The following CTTNBP2NL variants were observed in gnomAD, a reference collection of about 807,000 sequenced individuals.
CTTNBP2NL encodes CTTNBP2 N-terminal like, also known as CTTNBP2 N-terminal-like protein.
Under a neutral mutation model 32.5 loss-of-function variants are expected in CTTNBP2NL, and 16 were observed. The ratio of observed to expected loss-of-function variants is 0.49; its 90% confidence interval spans 0.33 to 0.75. The LOEUF (loss-of-function observed/expected upper bound fraction) is 0.75. Among genes scored for constraint, CTTNBP2NL ranks in the 30% least tolerant of loss-of-function variants. The pLI, the probability that CTTNBP2NL is intolerant of heterozygous loss-of-function variation, is 0.02. For synonymous variants in CTTNBP2NL, 298 were observed against 289.4 expected (o/e 1.03, Z -0.30); for missense variants, 645 against 756.0 (o/e 0.85, Z 1.72).
intron 1 of CTTNBP2NL, among the ~76,000 whole-genome samples, chr1:112,400,314 A>G (rs1371456424): frequency 6.6e-6 from 1 of 152,174 alleles, no homozygotes; most frequent in Non-Finnish European, 1.5e-5. Flanking sequence ...ACCGTAGCTC[A>G]GTCTGTTTCC....
intron 3 of CTTNBP2NL, among the ~76,000 whole-genome samples, chr1:112,445,829 A>T (rs1252790527): frequency 6.6e-6 from 1 of 152,180 alleles, no homozygotes; most frequent in African/African-American, 2.4e-5. Context: ...TTTAAAAGTC[A>T]TATTTTGGGG....
At chr1:112,411,456 T>C (rs923453610) in intron 1 of CTTNBP2NL, among the ~76,000 whole-genome samples, 2 of 152,208 alleles carry the variant, frequency 1.3e-5, no homozygotes, top group Admixed American at 1.3e-4. Flanking sequence ...GAAAAATATA[T>C]ACAGCTATAG....
At chr1:112,395,987 G>C (rs901229655), upstream of CTTNBP2NL, among the ~76,000 whole-genome samples, 19 of 152,248 alleles carry the variant, frequency 1.2e-4, no homozygotes, top group African/African-American at 4.1e-4. Context: ...CCACCCTGAA[G>C]CCCAGGACCC....
intron 3 of CTTNBP2NL, among the ~76,000 whole-genome samples, chr1:112,440,132 C>T (rs1649856090): frequency 6.6e-6 from 1 of 152,180 alleles, no homozygotes; most frequent in Non-Finnish European, 1.5e-5. Context: ...GTATTCAAAC[C>T]ATTCAGAGCC....
intron 3 of CTTNBP2NL, among the ~76,000 whole-genome samples, chr1:112,443,818 C>G (rs1649963267): frequency 6.6e-6 from 1 of 152,124 alleles, no homozygotes; most frequent in Non-Finnish European, 1.5e-5. Flanking sequence ...ACTTCCAGAA[C>G]AAGGGTTTTC....
chr1:112,445,353 C>G (rs1439039732), intron 3 of CTTNBP2NL, among the ~76,000 whole-genome samples: 4 of 152,090 alleles, frequency 2.6e-5, no homozygotes, highest in Non-Finnish European at 1.5e-5. Flanking sequence ...CCCATTAAAT[C>G]TCTTCATTCT....
rs1570718615 is a variant in CTTNBP2NL at position 112,411,485 on chromosome 1, A to G, written c.-133-709A>G. Among the ~76,000 whole-genome samples, 5 of 152,266 alleles carry G rather than the reference A, an allele frequency of 3.3e-5. 1 individual carries two copies. In the South Asian group the frequency reaches 1.0e-3, roughly 32 times the overall value. On this transcript the variant is annotated intron_variant, in intron 1 of 5. Transcript: ENST00000271277. ...GCTATAGCTGTCTATACCACAGTGT[A>G]TGATAATGTATCCACACAATTTGTC...
chr1:112,409,604 A>ACCCTG (rs1648792931), intron 1 of CTTNBP2NL, among the ~76,000 whole-genome samples: 2 of 152,130 alleles, frequency 1.3e-5, no homozygotes, highest in South Asian at 4.2e-4. Context: ...CTTGTACTCC[A>ACCCTG]CCCTGCCCTG....
intron 3 of CTTNBP2NL, among the ~76,000 whole-genome samples, chr1:112,420,677 C>G (rs1649202100): frequency 6.6e-6 from 1 of 152,074 alleles, no homozygotes; most frequent in African/African-American, 2.4e-5. Flanking sequence ...CCATGTTACC[C>G]AGGCTGGTTT....
intron 3 of CTTNBP2NL, among the ~76,000 whole-genome samples, chr1:112,448,364 C>T (rs1352807533): frequency 1.3e-5 from 2 of 152,216 alleles, no homozygotes; most frequent in Non-Finnish European, 2.9e-5. Context: ...TAATGTGATC[C>T]TGCTTATATT....
At chr1:112,404,656 G>A (rs1401359960) in intron 1 of CTTNBP2NL, among the ~76,000 whole-genome samples, 2 of 152,210 alleles carry the variant, frequency 1.3e-5, no homozygotes, top group South Asian at 2.1e-4. Context: ...AAAATTTAGG[G>A]GACTGATGGA....
intron 2 of CTTNBP2NL, chr1:112,415,843 C>CCG (rs1470359586): frequency 3.4e-6 from 1 of 296,478 alleles, no homozygotes; most frequent in Non-Finnish European, 6.3e-6. Flanking sequence ...GCATGAGCCA[C>CCG]TGCACCCAGC....
intron 3 of CTTNBP2NL, among the ~76,000 whole-genome samples, chr1:112,430,219 T>G (rs12126938): frequency 6.5e-4 from 21 of 32,314 alleles, no homozygotes; most frequent in South Asian, 6.8e-3. Flanking sequence ...TTCTTTTCTT[T>G]TCTTGTCTTT....
chr1:112,455,243 C>T (rs1283967745), intron 5 of CTTNBP2NL, among the ~76,000 whole-genome samples: 1 of 152,018 alleles, frequency 6.6e-6, no homozygotes, highest in African/African-American at 2.4e-5. Context: ...CAGTGGTTCA[C>T]GCCTGTAATC....
chr1:112,452,337 T>TC (rs1264641298), intron 4 of CTTNBP2NL, among the ~76,000 whole-genome samples: 5 of 74,436 alleles, frequency 6.7e-5, no homozygotes, highest in African/African-American at 3.0e-4. Context: ...AGTCTCTTCT[T>TC]TTTTTTTTTT....
intron 3 of CTTNBP2NL, among the ~76,000 whole-genome samples, chr1:112,435,118 G>A (rs1649692047): frequency 6.8e-6 from 1 of 146,770 alleles, no homozygotes; most frequent in Non-Finnish European, 1.5e-5. Context: ...ACTCCAGCCT[G>A]GGCAGCAGAG....
chr1:112,405,712 C>G (rs775362236), intron 1 of CTTNBP2NL, among the ~76,000 whole-genome samples: 2 of 152,172 alleles, frequency 1.3e-5, no homozygotes, highest in Admixed American at 6.5e-5. Flanking sequence ...ACATATAAAT[C>G]TTGCTGACAT....
chr1:112,408,901 C>T lies in CTTNBP2NL; in HGVS notation c.-133-3293C>T, dbSNP rs1053331275. Among the ~76,000 whole-genome samples, 4 of 152,014 alleles carry T rather than the reference C, an allele frequency of 2.6e-5. No homozygotes were observed. The East Asian group carries it at 5.8e-4, about 22-fold the overall frequency. On this transcript the variant is annotated intron_variant, in intron 1 of 5. Coordinates refer to ENST00000271277, the MANE Select transcript of CTTNBP2NL (RefSeq NM_018704.3). ...CAGCACTTTGGGAGGCTGAGGTGGG[C>T]GAATCACTTGAGGTCAGGAGTTCAA...
intron 3 of CTTNBP2NL, among the ~76,000 whole-genome samples, chr1:112,441,653 A>G (rs189038837): frequency 2.6e-5 from 4 of 152,026 alleles, no homozygotes; most frequent in Admixed American, 2.6e-4. Flanking sequence ...ACTGTTTTAT[A>G]CTCTCACTAG....
Sources: gnomAD v4.1 joint callset for allele counts (sites outside exome capture counted in the v4.1 genomes callset) on GRCh38, gnomAD v4.1.1 for gene constraint, MANE v1.5 for transcripts, NCBI Gene and HGNC (gene_info 2026-07-23, HGNC 2026-07-21) for gene names.